KCNK10: variants seen among roughly 807,000 people sequenced by gnomAD.
KCNK10 encodes the protein potassium channel subfamily K member 10.
A neutral mutation model predicts 47.7 loss-of-function variants in KCNK10; 25 were observed. That is an observed-to-expected ratio of 0.52 (90% CI 0.38 to 0.73). The LOEUF (loss-of-function observed/expected upper bound fraction) is 0.73. Among genes scored for constraint, KCNK10 ranks in the 30% least tolerant of loss-of-function variants. The pLI is 0.00. For synonymous variants in KCNK10, 303 were observed against 285.6 expected (o/e 1.06, Z -0.61); for missense variants, 563 against 714.5 (o/e 0.79, Z 2.42).
chr14:88,217,313 T>C (rs1885653333), intron 4 of KCNK10, among the ~76,000 whole-genome samples: 1 of 152,206 alleles, frequency 6.6e-6, no homozygotes, highest in African/African-American at 2.4e-5. Context: ...TCACTGATAT[T>C]GTGTCTTTTC....
intron 1 of KCNK10, among the ~76,000 whole-genome samples, chr14:88,273,039 C>T (rs1378996769): frequency 6.6e-6 from 1 of 152,090 alleles, no homozygotes; most frequent in Non-Finnish European, 1.5e-5. Flanking sequence ...CATAAGGGAC[C>T]AGAACTCAGG....
At chr14:88,237,167 C>G (rs1288717332) in intron 3 of KCNK10, among the ~76,000 whole-genome samples, 2 of 152,210 alleles carry the variant, frequency 1.3e-5, no homozygotes. Flanking sequence ...CTTTACCAGG[C>G]AGGAGCAGAT....
rs1256062936 is a variant in KCNK10, at chr14:88,185,847, C to T, written c.1320G>A (p.Gly440=). 1 of 1,614,146 alleles carries T rather than the reference C, an allele frequency of 6.2e-7. No individual in the cohort carries two copies. The highest frequency in any genetic ancestry group is 8.5e-7 in the Non-Finnish European group (1 of 1,180,028). Residue 440 remains glycine (G), a synonymous_variant, in exon 7 of 7, where the codon GGG becomes GGA. Coordinates refer to ENST00000319231, the MANE Select transcript of KCNK10 (RefSeq NM_138317.3). The surrounding 1 kb of genome is among the most constrained non-coding windows in gnomAD (Gnocchi z 4.3). ...LKGPEQLNKH[G]QGASEDNIIN... ...TGATGTTGTCCTCGGACGCACCCTGCCCATGCTTGTTCAGCTGCTCCGGCC... is the reference window on the plus strand; with the variant it reads ...TGATGTTGTCCTCGGACGCACCCTGTCCATGCTTGTTCAGCTGCTCCGGCC...
chr14:88,213,909 T>C (rs1341417495), intron 4 of KCNK10, among the ~76,000 whole-genome samples: 1 of 138,562 alleles, frequency 7.2e-6, no homozygotes, highest in Non-Finnish European at 1.6e-5. Flanking sequence ...CTCTATGCTC[T>C]TTTTATTTTA....
chr14:88,223,856 A>G (rs961783808), intron 4 of KCNK10, among the ~76,000 whole-genome samples: 1 of 151,800 alleles, frequency 6.6e-6, no homozygotes, highest in South Asian at 2.1e-4. Context: ...ATCTAGTTTA[A>G]TATGTTATTT....
At chr14:88,194,389 G>A (rs1884842341) in intron 4 of KCNK10, among the ~76,000 whole-genome samples, 1 of 152,332 alleles carries the variant, frequency 6.6e-6, no homozygotes, top group Admixed American at 6.5e-5. Context: ...CCCAAAAGGA[G>A]ATTTCGCCAT....
chr14:88,192,122 A>G, intron 5 of KCNK10, 102 bp downstream of exon 5: 2 of 1,138,754 alleles, frequency 1.8e-6, no homozygotes, highest in Non-Finnish European at 2.5e-6. Context: ...AGTCATCTTC[A>G]TTTGCTTCTC....
chr14:88,237,450 C>T (rs1180894228), intron 3 of KCNK10, among the ~76,000 whole-genome samples: 1 of 152,196 alleles, frequency 6.6e-6, no homozygotes, highest in African/African-American at 2.4e-5. Flanking sequence ...AATGATGACT[C>T]CTTTCCAGAA....
chr14:88,219,360 G>A (rs1236524893), intron 4 of KCNK10, among the ~76,000 whole-genome samples: 1 of 152,214 alleles, frequency 6.6e-6, no homozygotes, highest in African/African-American at 2.4e-5. Flanking sequence ...GGGCCAATGG[G>A]CTCTACCTGA....
At position 88,274,234 on chromosome 14, in the gene KCNK10, A is replaced by G. The variant is rs552568109; in HGVS notation, c.53-10683T>C. Among the ~76,000 whole-genome samples, 33 of 151,860 alleles carry G rather than the reference A, an allele frequency of 2.2e-4. 1 individual carries two copies. The South Asian group carries it at 6.7e-3, about 31-fold the overall frequency. ...CTTCCACACACACTTCTCCCTTCCCAGCAAACTCCTTCAGTATCTGCAATC... is the reference window on the plus strand; with the variant it reads ...CTTCCACACACACTTCTCCCTTCCCGGCAAACTCCTTCAGTATCTGCAATC... On this transcript the variant is annotated intron_variant, in intron 1 of 6. Transcript: ENST00000319231.
chr14:88,268,603 A>C (rs1012884377), intron 1 of KCNK10, among the ~76,000 whole-genome samples: 1 of 152,208 alleles, frequency 6.6e-6, no homozygotes, highest in Non-Finnish European at 1.5e-5. Flanking sequence ...TATCCCAAAA[A>C]ATAGGAACGA....
At chr14:88,245,975 G>A (rs1886626373) in intron 2 of KCNK10, among the ~76,000 whole-genome samples, 1 of 152,182 alleles carries the variant, frequency 6.6e-6, no homozygotes, top group Non-Finnish European at 1.5e-5. Flanking sequence ...CTTACTCCCT[G>A]AACGGCACAG....
At chr14:88,247,498 G>C (rs1160357533) in intron 2 of KCNK10, among the ~76,000 whole-genome samples, 1 of 152,238 alleles carries the variant, frequency 6.6e-6, no homozygotes, top group Admixed American at 6.5e-5. Flanking sequence ...ACTGCCCTAA[G>C]TACCCAGTTA....
At position 88,323,203 on chromosome 14, in the gene KCNK10, C is replaced by T. The variant is rs1203100604; in HGVS notation, c.-405G>A. On this transcript the variant is annotated 5_prime_UTR_variant, in exon 1 of 7. Coordinates refer to ENST00000319231, the MANE Select transcript of KCNK10 (RefSeq NM_138317.3). ...AGCCCACTGCAGTGTCACTCCAGCC[C>T]CCGAAGGCGTGTGCGCACACACTCC... 9.6e-7 allele frequency: 1 copy of T among 1,040,092 alleles called. No homozygotes were observed. The highest frequency in any genetic ancestry group is 1.7e-5 in the African/African-American group (1 of 58,988). 64.4% of individuals were successfully genotyped at this position (1,040,092 alleles called of 1,614,324 possible).
intron 4 of KCNK10, among the ~76,000 whole-genome samples, chr14:88,222,151 C>A (rs950908518): frequency 6.6e-6 from 1 of 152,102 alleles, no homozygotes; most frequent in South Asian, 2.1e-4. Flanking sequence ...GAGGAAGAAG[C>A]AAAAGCAGAA....
At chr14:88,217,743 G>C (rs1204829285) in intron 4 of KCNK10, among the ~76,000 whole-genome samples, 1 of 147,616 alleles carries the variant, frequency 6.8e-6, no homozygotes, top group Non-Finnish European at 1.5e-5. Context: ...TTTTTTTTGA[G>C]ACAGAGTTTC....
intron 2 of KCNK10, among the ~76,000 whole-genome samples, chr14:88,250,385 A>G (rs1047887562): frequency 6.6e-6 from 1 of 152,160 alleles, no homozygotes; most frequent in African/African-American, 2.4e-5. Context: ...TTCTAAATTC[A>G]AAGCAACAGC....
chr14:88,303,947 G>C (rs933409975), intron 1 of KCNK10, among the ~76,000 whole-genome samples: 2 of 152,108 alleles, frequency 1.3e-5, no homozygotes, highest in African/African-American at 4.8e-5. Context: ...TCTGTCTTGT[G>C]TCATAATTTG....
At chr14:88,229,860 A>C (rs1330898559) in intron 3 of KCNK10, among the ~76,000 whole-genome samples, 5 of 152,136 alleles carry the variant, frequency 3.3e-5, no homozygotes, top group Non-Finnish European at 7.3e-5. Flanking sequence ...GGATCTAGTT[A>C]CACCCCGCCT....
Sources: gnomAD v4.1 joint callset for allele counts (sites outside exome capture counted in the v4.1 genomes callset) on GRCh38, gnomAD v4.1.1 for gene constraint, Gnocchi (gnomAD v3.1) non-coding constraint, MANE v1.5 for transcripts, NCBI Gene and HGNC (gene_info 2026-07-23, HGNC 2026-07-21) for gene names.